The following NRXN3 variants were observed in gnomAD, a reference collection of about 807,000 sequenced individuals.
The protein encoded by NRXN3 is neurexin 3.
In NRXN3, 32 loss-of-function variants were observed where a neutral mutation model predicts 137.6. The ratio of observed to expected loss-of-function variants is 0.23; its 90% CI spans 0.18 to 0.31. NRXN3 has a LOEUF of 0.31. Ranked by LOEUF, NRXN3 falls within the 10% of genes least tolerant of loss-of-function variation. NRXN3 has a pLI of 1.00. For synonymous variants in NRXN3, 798 were observed against 784.5 expected, an observed-to-expected ratio of 1.02 and a Z score of -0.29; for missense variants, 1,574 against 2,062.5, an observed-to-expected ratio of 0.76 and a Z score of 4.59.
At chr14:79,713,722 C>T (rs2098814034) in intron 19 of NRXN3, among the ~76,000 whole-genome samples, 1 of 150,572 alleles carries the variant, frequency 6.6e-6, no homozygotes, top group Admixed American at 6.6e-5. Context: ...TTTTTGTATT[C>T]CCTTAAGAGC....
At chr14:78,437,913 C>T (rs932768612) in intron 4 of NRXN3, among the ~76,000 whole-genome samples, 1 of 152,038 alleles carries the variant, frequency 6.6e-6, no homozygotes, top group Admixed American at 6.5e-5. Context: ...GTAGAAGATA[C>T]CCTGGAGAGT....
At chr14:79,073,892 C>T (rs886825818) in intron 15 of NRXN3, among the ~76,000 whole-genome samples, 3 of 152,238 alleles carry the variant, frequency 2.0e-5, no homozygotes, top group African/African-American at 4.8e-5. Context: ...ACCTTGGACA[C>T]GTTATTTAAC....
intron 16 of NRXN3, among the ~76,000 whole-genome samples, chr14:79,646,936 T>G (rs1021749209): frequency 1.5e-5 from 2 of 135,514 alleles, no homozygotes; most frequent in Non-Finnish European, 3.4e-5. Flanking sequence ...TCCAGGCCTA[T>G]TTCATCTTTG....
At chr14:79,476,544 A>T (rs2096561445) in intron 16 of NRXN3, among the ~76,000 whole-genome samples, 1 of 151,974 alleles carries the variant, frequency 6.6e-6, no homozygotes, top group Admixed American at 6.6e-5. Context: ...AATTCAGTTT[A>T]TTTTTCCTCC....
chr14:78,192,135 T>A (rs976925085), intron 1 of NRXN3, among the ~76,000 whole-genome samples: 2 of 151,598 alleles, frequency 1.3e-5, no homozygotes, highest in East Asian at 3.9e-4. Flanking sequence ...TGTGTGCAAG[T>A]GTGTAAGTGC....
At chr14:78,820,893 A>T (rs74065170) in intron 10 of NRXN3, among the ~76,000 whole-genome samples, 3,936 of 152,270 alleles carry the variant, frequency 0.026, 76 homozygotes, top group East Asian at 0.06. Flanking sequence ...TGAACTCAGG[A>T]TCCTCCAATA....
intron 4 of NRXN3, among the ~76,000 whole-genome samples, chr14:78,354,962 C>T (rs1013425840): frequency 1.3e-5 from 2 of 152,120 alleles, no homozygotes; most frequent in Non-Finnish European, 1.5e-5. Context: ...GGAGTGACAC[C>T]GAACAAGGTG....
chr14:78,898,482 A>T (rs988694981), intron 10 of NRXN3, among the ~76,000 whole-genome samples: 12 of 151,788 alleles, frequency 7.9e-5, no homozygotes, highest in Non-Finnish European at 1.8e-4. Flanking sequence ...AAGAAAGGAG[A>T]CAGGAACCAT....
Position 78,448,684 on chromosome 14 carries a change from G to T in NRXN3, c.757+150824G>T, listed in dbSNP as rs147751017. Among the ~76,000 whole-genome samples, 170 of 152,272 alleles carry T rather than the reference G, an allele frequency of 1.1e-3. 1 individual carries two copies. Among genetic ancestry groups the T allele is most frequent in the African/African-American group, 3.9e-3 (162 of 41,554 alleles). On this transcript the variant is annotated intron_variant, in intron 4 of 20. Coordinates refer to ENST00000335750, the MANE Select transcript of NRXN3 (RefSeq NM_001330195.2). The stretch of plus-strand genomic sequence containing the variant: ...GTGGCGCATTATCACTAATTTCATG[G>T]TCTGGCAGCTTTGCTCCTGGGGATC...
intron 15 of NRXN3, among the ~76,000 whole-genome samples, chr14:79,154,493 G>A (rs890719901): frequency 1.3e-5 from 2 of 151,612 alleles, no homozygotes; most frequent in African/African-American, 4.8e-5. Context: ...CTTTTTGCTG[G>A]GTCATATGTT....
chr14:79,840,783 T>A (rs1442712172), intron 20 of NRXN3, among the ~76,000 whole-genome samples: 1 of 152,214 alleles, frequency 6.6e-6, no homozygotes, highest in East Asian at 1.9e-4. Context: ...TAAAAACATC[T>A]TCTGGAGGTA....
At chr14:78,550,919 C>G (rs1270455647) in intron 4 of NRXN3, among the ~76,000 whole-genome samples, 2 of 152,146 alleles carry the variant, frequency 1.3e-5, no homozygotes, top group African/African-American at 2.4e-5. Flanking sequence ...AATGGTGGAG[C>G]ATGAGTATTG....
At chr14:79,607,323 C>T (rs2543582) in intron 16 of NRXN3, among the ~76,000 whole-genome samples, 75,323 of 152,062 alleles carry the variant, frequency 0.5, 21,191 homozygotes, top group African/African-American at 0.77. Flanking sequence ...AACCTTTCTT[C>T]TGGCCTACAA....
intron 15 of NRXN3, among the ~76,000 whole-genome samples, chr14:79,381,962 G>A (rs1435703383): frequency 1.3e-5 from 2 of 152,124 alleles, no homozygotes; most frequent in Non-Finnish European, 1.5e-5. Context: ...AACACTCCTT[G>A]TACTCTGAAG....
rs374595374 is a variant in NRXN3 at position 78,243,344 on chromosome 14, G to A, written c.251G>A (p.Arg84His). The change falls in exon 2 of 21, where the codon CGC (arginine) becomes CAC (histidine). Residue 84 changes from arginine (R) to histidine (H), a missense_variant. Physicochemically the swap from Arg to His is conservative, Grantham distance 29 (BLOSUM62 0). Around this residue, in one of 5 missense-constraint regions of NRXN3, gnomAD observed 400 missense variants for 527.3 expected, o/e 0.76. Transcript: ENST00000335750. This position sits in a 1 kb window ranked among gnomAD's most constrained non-coding sequence, Gnocchi z 4.2. ...CTATGCCTCTCCCTGGTGGATGGCC[G>A]CGTTCAGCTCCGCTTCAGCATGGAC... ...DFLCLSLVDG[R>H]VQLRFSMDCA... 4.1e-5 allele frequency: 64 copies of A among 1,560,386 alleles called. No individual in the cohort carries two copies. The highest frequency in any genetic ancestry group is 3.4e-4 in the African/African-American group (25 of 74,084).
chr14:78,297,945 TG>T, intron 4 of NRXN3, 85 bp downstream of exon 4: 1 of 1,474,002 alleles, frequency 6.8e-7, no homozygotes, highest in Non-Finnish European at 9.2e-7. Flanking sequence ...TCATCGTCAC[TG>T]GCAGGCCATT....
At chr14:78,496,817 G>C (rs967040936) in intron 4 of NRXN3, among the ~76,000 whole-genome samples, 10 of 151,968 alleles carry the variant, frequency 6.6e-5, no homozygotes, top group African/African-American at 2.2e-4. Flanking sequence ...GCAGGGAAGA[G>C]GGAGAAGTTA....
At chr14:79,367,022 C>T (rs1387880097) in intron 15 of NRXN3, among the ~76,000 whole-genome samples, 2 of 123,710 alleles carry the variant, frequency 1.6e-5, no homozygotes, top group Non-Finnish European at 3.2e-5. Flanking sequence ...CTTGCTCTGT[C>T]ACCCAGGCTG....
At chr14:78,882,044 G>A (rs78540194) in intron 10 of NRXN3, among the ~76,000 whole-genome samples, 5 of 151,758 alleles carry the variant, frequency 3.3e-5, no homozygotes, top group Non-Finnish European at 7.3e-5. Context: ...GTTTCAAAAG[G>A]TGTAAGCCCC....
Sources: allele counts gnomAD v4.1 joint callset (sites outside exome capture counted in the v4.1 genomes callset), GRCh38; gene constraint gnomAD v4.1.1; regional missense constraint gnomAD v4.1.1; non-coding constraint Gnocchi (gnomAD v3.1); transcripts MANE v1.5; gene names NCBI Gene and HGNC (gene_info 2026-07-23, HGNC 2026-07-21).